Variants in COG5 observed in about 807,000 individuals in gnomAD.
COG5 encodes component of oligomeric golgi complex 5, also known as conserved oligomeric Golgi complex subunit 5.
A neutral mutation model predicts 110.4 loss-of-function variants in COG5; 86 were observed. That is an observed-to-expected ratio of 0.78 (90% CI 0.65 to 0.93). The LOEUF (loss-of-function observed/expected upper bound fraction) is 0.93, where lower values mean the gene tolerates loss of function less well. Among genes scored for constraint, COG5 ranks in the 40% least tolerant of loss-of-function variants. The pLI, the probability that COG5 is intolerant of heterozygous loss-of-function variation, is 0.00. For missense variants in COG5, 1,077 were observed against 987.0 expected (o/e 1.09, Z -1.22); for synonymous variants, 360 against 334.6 (o/e 1.08, Z -0.83).
chr7:107,292,607 C>A (rs997801264), intron 12 of COG5, among the ~76,000 whole-genome samples: 2 of 152,074 alleles, frequency 1.3e-5, no homozygotes, highest in African/African-American at 2.4e-5. Flanking sequence ...GACAAGATAA[C>A]GAAGGAATTC....
At chr7:107,563,755 C>T (rs774428427) in intron 1 of COG5, 48 bp downstream of exon 1, 5 of 1,602,456 alleles carry the variant, frequency 3.1e-6, no homozygotes, top group South Asian at 2.2e-5. Context: ...AGGTGCGGAG[C>T]AGCGCAGACC....
At chr7:107,503,577 T>G (rs996770557) in intron 6 of COG5, among the ~76,000 whole-genome samples, 7 of 152,222 alleles carry the variant, frequency 4.6e-5, no homozygotes, top group African/African-American at 1.7e-4. Context: ...ACTGAATATG[T>G]AGACTGCTTT....
At chr7:107,518,088 C>T (rs544091249) in intron 6 of COG5, among the ~76,000 whole-genome samples, 3 of 152,174 alleles carry the variant, frequency 2.0e-5, no homozygotes, top group African/African-American at 7.2e-5. Context: ...AAAGGAAATC[C>T]TTTCTAGACA....
At chr7:107,528,670 C>T (rs1207694411) in intron 5 of COG5, among the ~76,000 whole-genome samples, 1 of 152,166 alleles carries the variant, frequency 6.6e-6, no homozygotes, top group Non-Finnish European at 1.5e-5. Flanking sequence ...ACATTCCATA[C>T]TGCTGCATCA....
intron 6 of COG5, among the ~76,000 whole-genome samples, chr7:107,504,790 G>A (rs750965835): frequency 1.3e-5 from 2 of 152,156 alleles, no homozygotes; most frequent in Middle Eastern, 3.4e-3. Context: ...TATGCATAGG[G>A]GTGTTAATAG....
intron 6 of COG5, among the ~76,000 whole-genome samples, chr7:107,455,815 CAG>C (rs1795631155): frequency 6.6e-6 from 1 of 150,802 alleles, no homozygotes; most frequent in African/African-American, 2.4e-5. Flanking sequence ...GTTTTTGAGA[CAG>C]AGTCTCACTC....
intron 6 of COG5, among the ~76,000 whole-genome samples, chr7:107,457,993 A>G (rs1356738439): frequency 6.6e-6 from 1 of 152,224 alleles, no homozygotes; most frequent in East Asian, 1.9e-4. Context: ...AACTCTTAAA[A>G]GAAGCTAGAG....
At chr7:107,551,718 A>C (rs1043231322) in intron 3 of COG5, among the ~76,000 whole-genome samples, 2 of 152,010 alleles carry the variant, frequency 1.3e-5, no homozygotes, top group African/African-American at 2.4e-5. Context: ...CCTTGGCTCA[A>C]GCGATCCTCC....
intron 6 of COG5, among the ~76,000 whole-genome samples, chr7:107,454,751 A>G (rs560892178): frequency 1.3e-5 from 2 of 152,322 alleles, no homozygotes; most frequent in East Asian, 3.9e-4. Context: ...GCTGTGTTGA[A>G]GCTCAGAAAA....
At chr7:107,258,234 T>A in intron 15 of COG5, 39 bp downstream of exon 15, 1 of 1,265,100 alleles carries the variant, frequency 7.9e-7, no homozygotes, top group Non-Finnish European at 1.2e-6. Context: ...GCAAGAAGAA[T>A]TTAAAATTAA....
At chr7:107,236,418 A>AT (rs1765545649) in intron 18 of COG5, 32 bp downstream of exon 18, 2 of 1,508,248 alleles carry the variant, frequency 1.3e-6, no homozygotes, top group Non-Finnish European at 1.8e-6. Flanking sequence ...AGGCCAAAAC[A>AT]TTTTTTCTTT....
At chr7:107,560,736 T>C (rs1034368739) in intron 1 of COG5, among the ~76,000 whole-genome samples, 1 of 152,200 alleles carries the variant, frequency 6.6e-6, no homozygotes, top group Non-Finnish European at 1.5e-5. Flanking sequence ...ATGTAGGTTT[T>C]CATGTGTATT....
chr7:107,403,256 C>T (rs1269379542), intron 7 of COG5, among the ~76,000 whole-genome samples: 1 of 152,124 alleles, frequency 6.6e-6, no homozygotes, highest in Admixed American at 6.5e-5. Context: ...TAACAAAATA[C>T]CATAGACTGG....
At chr7:107,454,944 C>T (rs1795568970) in intron 6 of COG5, among the ~76,000 whole-genome samples, 1 of 151,954 alleles carries the variant, frequency 6.6e-6, no homozygotes, top group East Asian at 1.9e-4. Flanking sequence ...AATATGTTGT[C>T]ATTGGAGGAA....
chr7:107,277,992 T>C (rs1365580322), intron 14 of COG5, among the ~76,000 whole-genome samples: 1 of 152,190 alleles, frequency 6.6e-6, no homozygotes, highest in Non-Finnish European at 1.5e-5. Context: ...GAAAAAACCT[T>C]TTATAAGCCT....
chr7:107,215,401 C>T (rs906067408), intron 19 of COG5, among the ~76,000 whole-genome samples: 1 of 152,182 alleles, frequency 6.6e-6, no homozygotes, highest in African/African-American at 2.4e-5. Context: ...GGTGTGGTGG[C>T]TCACGCCTGT....
rs551493905 is a variant in COG5, at chr7:107,211,377, C to T, written c.2169-152G>A. 93 of 833,576 alleles carry T rather than the reference C, an allele frequency of 1.1e-4. 1 individual carries two copies. The highest frequency in any genetic ancestry group is 3.0e-4 in the South Asian group (21 of 69,926). 51.6% of individuals were successfully genotyped at this position (833,576 alleles called of 1,614,324 possible). ...TTAACCACTCTATTCAGCCTTGAGA[C>T]GCCCACAAGCCTCTACCCCCACATG... On this transcript the variant is annotated intron_variant, in intron 19 of 21. Coordinates refer to ENST00000297135, the MANE Select transcript of COG5 (RefSeq NM_006348.5).
At chr7:107,267,956 G>A (rs866443649) in intron 14 of COG5, among the ~76,000 whole-genome samples, 34 of 152,016 alleles carry the variant, frequency 2.2e-4, no homozygotes, top group African/African-American at 6.5e-4. Context: ...ATTACTTTTC[G>A]TAGTAAGAAA....
intron 8 of COG5, among the ~76,000 whole-genome samples, chr7:107,370,184 G>A (rs548197934): frequency 4.6e-5 from 7 of 151,926 alleles, no homozygotes; most frequent in South Asian, 2.1e-4. Flanking sequence ...TCATGAATGC[G>A]ACTGTCAATC....
Sources: allele counts gnomAD v4.1 joint callset (sites outside exome capture counted in the v4.1 genomes callset), GRCh38; gene constraint gnomAD v4.1.1; transcripts MANE v1.5; gene names NCBI Gene and HGNC (gene_info 2026-07-23, HGNC 2026-07-21).